Variants in EXOC4 observed in about 807,000 individuals in gnomAD.
EXOC4 encodes exocyst complex component 4.
A neutral mutation model predicts 107.2 loss-of-function variants in EXOC4; 71 were observed. That is an observed-to-expected ratio of 0.66 (90% CI 0.55 to 0.81). The LOEUF is 0.81. Ranked by LOEUF, EXOC4 falls within the 30% of genes least tolerant of loss-of-function variation. The pLI is 0.00. For missense variants in EXOC4, 1,108 were observed against 1,189.6 expected (o/e 0.93, Z 1.01); for synonymous variants, 456 against 441.2 (o/e 1.03, Z -0.42).
rs183064646 is a variant in EXOC4 at position 133,864,351 on chromosome 7, G to A, written c.1735-31248G>A. 1.1e-3 allele frequency among the ~76,000 whole-genome samples: 165 copies of A among 152,252 alleles called. 1 individual carries two copies. The highest frequency in any genetic ancestry group is 3.9e-3 in the African/African-American group (160 of 41,548). ...AATATAGCACAGCTAGCAAGTGGTA[G>A]CCCAGGATCTAATATCCAGATCTTG... On this transcript the variant is annotated intron_variant, in intron 11 of 17. Transcript: ENST00000253861.
At chr7:133,684,484 G>A (rs1794252315) in intron 10 of EXOC4, among the ~76,000 whole-genome samples, 1 of 152,024 alleles carries the variant, frequency 6.6e-6, no homozygotes, top group South Asian at 2.1e-4. Context: ...CATGATATCT[G>A]ATAGATTTGT....
chr7:133,528,837 T>A (rs1171114945), intron 9 of EXOC4, among the ~76,000 whole-genome samples: 1 of 152,154 alleles, frequency 6.6e-6, no homozygotes, highest in African/African-American at 2.4e-5. Flanking sequence ...GGTTTTTTTC[T>A]TCTTCTTAAA....
Position 133,817,460 on chromosome 7 carries a change from A to G in EXOC4, c.1650A>G (p.Gly550=). The G allele has an allele frequency of 6.2e-7, 1 of 1,614,164 alleles. No individual in the cohort carries two copies. The highest frequency in any genetic ancestry group is 8.5e-7 in the Non-Finnish European group (1 of 1,179,996). ...VLAEINKEIE[G]VTKTSDPLKI... is the part of the protein sequence containing the mutation. Reference sequence around the variant, plus strand: ...CTGAGATCAACAAGGAGATTGAAGGAGTCACTAAAACATCTGACCCTTTGA... The same window carrying G: ...CTGAGATCAACAAGGAGATTGAAGGGGTCACTAAAACATCTGACCCTTTGA... Residue 550 remains glycine, a synonymous_variant, in exon 11 of 18, where the codon GGA becomes GGG. Coordinates refer to ENST00000253861, the MANE Select transcript of EXOC4 (RefSeq NM_021807.4).
chr7:134,020,911 A>G (rs570069431), intron 17 of EXOC4, among the ~76,000 whole-genome samples: 27 of 151,860 alleles, frequency 1.8e-4, no homozygotes, highest in Non-Finnish European at 3.8e-4. Flanking sequence ...GCGTGAACCC[A>G]GGAGGCAGAG....
At chr7:134,031,064 C>A (rs920799670) in intron 17 of EXOC4, among the ~76,000 whole-genome samples, 2 of 152,146 alleles carry the variant, frequency 1.3e-5, no homozygotes, top group African/African-American at 4.8e-5. Flanking sequence ...CAGAATAGGG[C>A]AATCTATAGA....
At chr7:133,843,842 G>A (rs1798069130) in intron 11 of EXOC4, among the ~76,000 whole-genome samples, 1 of 152,076 alleles carries the variant, frequency 6.6e-6, no homozygotes, top group Admixed American at 6.6e-5. Flanking sequence ...TTCCTTCAGT[G>A]CCTACTTTCT....
rs543106342 is a variant in EXOC4 at position 133,343,642 on chromosome 7, G to GT, written c.764-12682dup. ...CATCACTTTCTTCTCACTCGTTCAT[G>GT]TTTTTTGTCCGTGTCTTTTCTTAGT... On this transcript the variant is annotated intron_variant, in intron 5 of 17. Coordinates refer to ENST00000253861, the MANE Select transcript of EXOC4 (RefSeq NM_021807.4). Among the ~76,000 whole-genome samples the GT allele has an allele frequency of 9.8e-4, 146 of 148,796 alleles. 1 individual carries two copies. Among genetic ancestry groups the GT allele is most frequent in the African/African-American group, 3.5e-3 (143 of 40,462 alleles).
intron 9 of EXOC4, among the ~76,000 whole-genome samples, chr7:133,566,852 G>A (rs889327879): frequency 6.6e-6 from 1 of 152,142 alleles, no homozygotes; most frequent in Non-Finnish European, 1.5e-5. Flanking sequence ...CAAAGTTGTT[G>A]TATCAGAAGA....
chr7:133,778,964 C>T (rs545102136), intron 10 of EXOC4, among the ~76,000 whole-genome samples: 5 of 152,276 alleles, frequency 3.3e-5, no homozygotes, highest in African/African-American at 1.2e-4. Context: ...TATGATTTGG[C>T]CTTCTCTGTA....
At chr7:133,908,000 G>T (rs1215260926) in intron 12 of EXOC4, among the ~76,000 whole-genome samples, 1 of 152,110 alleles carries the variant, frequency 6.6e-6, no homozygotes, top group Admixed American at 6.5e-5. Context: ...TTTTGATCAA[G>T]TGAATCCCTT....
chr7:133,712,445 A>C (rs1393098179), intron 10 of EXOC4, among the ~76,000 whole-genome samples: 1 of 21,018 alleles, frequency 4.8e-5, no homozygotes, highest in Non-Finnish European at 1.2e-4. Flanking sequence ...GTCTCAAAAA[A>C]AAAAAAAAAA....
In EXOC4 at chr7:133,961,306, A is replaced by C. The variant is rs1260974610; in HGVS notation, c.2206+23237A>C. On this transcript the variant is annotated intron_variant, in intron 14 of 17. Coordinates refer to ENST00000253861, the MANE Select transcript of EXOC4 (RefSeq NM_021807.4). ...TTTTTTTTTTTTTTTTTTTTTTTTG[A>C]GATGGAGTGTTGCTCTGTTGCCCAG... Among the ~76,000 whole-genome samples the C allele has an allele frequency of 1.4e-3, 18 of 12,500 alleles. No individual in the cohort carries two copies. The East Asian group carries it at 0.053, about 37-fold the overall frequency. The allele number at this position is 12,500 out of a possible 152,430, so 8.2% of individuals were successfully genotyped here.
At chr7:133,506,697 A>G (rs910852877) in intron 9 of EXOC4, among the ~76,000 whole-genome samples, 1 of 152,144 alleles carries the variant, frequency 6.6e-6, no homozygotes, top group Admixed American at 6.5e-5. Flanking sequence ...CTATGGAAAC[A>G]TCATTTCTTT....
At chr7:134,096,921 A>G in the EXOC4 span, among the ~76,000 whole-genome samples, 9 of 152,078 alleles carry the variant, frequency 5.9e-5, no homozygotes, top group Non-Finnish European at 1.5e-5. Flanking sequence ...GCATTCTTCA[A>G]TCAAGTTGAC....
intron 10 of EXOC4, among the ~76,000 whole-genome samples, chr7:133,701,955 ATTTTTC>A (rs71162020): frequency 0.018 from 2,372 of 135,218 alleles, 70 homozygotes; most frequent in African/African-American, 0.053. Flanking sequence ...AATCACTGTC[ATTTTTC>A]TTTTTCTTTT....
In EXOC4 at chr7:133,993,596, AT is replaced by A. The variant is rs1160097842; in HGVS notation, c.2207-3891del. Among the ~76,000 whole-genome samples the A allele has an allele frequency of 3.9e-5, 6 of 152,324 alleles. 1 individual carries two copies. In the East Asian group the frequency reaches 7.7e-4, roughly 20 times the overall value. On this transcript the variant is annotated intron_variant, in intron 14 of 17. Transcript: ENST00000253861. ...ACTTGGCAGCAAGTTATTAATATAT[AT>A]TTTTAATTTGCAGTGATTTAAAGAG... is the stretch of plus-strand genomic sequence containing the variant.
Position 133,785,859 on chromosome 7 carries a change from A to C in EXOC4, c.1515-31466A>C, listed in dbSNP as rs139334944. On this transcript the variant is annotated intron_variant, in intron 10 of 17. Transcript: ENST00000253861. ...GGCTAATTTTTTGTATTTTTAATAG[A>C]GATGGGGTTTCACCATAACCAGGAT... Among the ~76,000 whole-genome samples the C allele has an allele frequency of 6.1e-3, 921 of 152,196 alleles. 5 individuals are homozygous for C. The highest frequency in any genetic ancestry group is 0.024 in the Middle Eastern group (7 of 294).
chr7:133,991,888 G>A (rs1387215384), intron 14 of EXOC4, among the ~76,000 whole-genome samples: 1 of 152,168 alleles, frequency 6.6e-6, no homozygotes, highest in African/African-American at 2.4e-5. Flanking sequence ...AAAGTAGTGT[G>A]ATGCCTTCAG....
chr7:133,716,610 G>A (rs1260465883), intron 10 of EXOC4, among the ~76,000 whole-genome samples: 1 of 152,184 alleles, frequency 6.6e-6, no homozygotes. Flanking sequence ...TCTAGAATAT[G>A]TTTGTAATTA....
Sources: allele counts gnomAD v4.1 joint callset (sites outside exome capture counted in the v4.1 genomes callset), GRCh38; gene constraint gnomAD v4.1.1; transcripts MANE v1.5; gene names NCBI Gene and HGNC (gene_info 2026-07-23, HGNC 2026-07-21).